KIF1C: variants seen among roughly 807,000 people sequenced by gnomAD.
KIF1C encodes kinesin family member 1C.
KIF1C carries 61 observed loss-of-function variants against 126.5 expected under a neutral mutation model. The observed-to-expected ratio is 0.48, with a 90% CI of 0.39 to 0.60. The LOEUF is 0.60. KIF1C is among the 20% of genes least tolerant of loss of function. The pLI is 0.00. For missense variants in KIF1C, 1,315 were observed against 1,489.2 expected (o/e 0.88, Z 1.93); for synonymous variants, 640 against 580.6 (o/e 1.10, Z -1.47).
intron 13 of KIF1C, among the ~76,000 whole-genome samples, 167 bp from the exon 14 acceptor site, chr17:5,006,748 A>G (rs1215807042): frequency 6.6e-6 from 1 of 152,146 alleles, no homozygotes; most frequent in Non-Finnish European, 1.5e-5. Context: ...CTGGGTGCCC[A>G]TTTACCATGG....
In KIF1C at chr17:5,022,519, G is replaced by A. The variant is rs1975115166; in HGVS notation, c.2438G>A (p.Gly813Asp). 1.9e-6 allele frequency: 3 copies of A among 1,588,696 alleles called. No individual in the cohort carries two copies. Among genetic ancestry groups the A allele is most frequent in the East Asian group, 2.3e-5 (1 of 43,746 alleles). ...VWDTVGEEEG[G>D]GAGSGGGSEE... ...GACACTGTAGGCGAGGAGGAAGGAG[G>A]TGGAGCTGGCAGTGGTGGTGGCAGT... is the stretch of plus-strand genomic sequence containing the variant. The change falls in exon 22 of 23, where the codon GGT becomes GAT. Residue 813 changes from glycine (G) to aspartate (D), a missense_variant. Gly to Asp is a moderately conservative substitution (Grantham distance 94). This residue lies in a region of KIF1C where 441 missense variants were observed against 436.1 expected (regional missense o/e 1.01). Coordinates refer to ENST00000320785, the MANE Select transcript of KIF1C (RefSeq NM_006612.6). The surrounding 1 kb of genome is among the most constrained non-coding windows in gnomAD (Gnocchi z 4.9).
At chr17:5,017,950 A>G (rs745979077) in intron 18 of KIF1C, among the ~76,000 whole-genome samples, 9 of 152,204 alleles carry the variant, frequency 5.9e-5, no homozygotes, top group Admixed American at 2.0e-4. Context: ...CTTTCCCTGC[A>G]TAACACGTAT....
chr17:5,010,859 G>A (rs993755098), intron 16 of KIF1C, among the ~76,000 whole-genome samples: 5 of 150,878 alleles, frequency 3.3e-5, no homozygotes, highest in Admixed American at 3.3e-4. Flanking sequence ...TGCCCAGGCT[G>A]GAGTGCAGTG....
chr17:5,016,597 A>AGTGAGGTTTAAGAC (rs1974977888), intron 18 of KIF1C, among the ~76,000 whole-genome samples: 1 of 151,396 alleles, frequency 6.6e-6, no homozygotes, highest in African/African-American at 2.4e-5. Flanking sequence ...TGCGTCTTAC[A>AGTGAGGTTTAAGAC]GTGAGGTTTA....
In KIF1C at chr17:5,023,446, T is replaced by C. The variant is rs1266960576; in HGVS notation, c.2629-22T>C. 1 of 1,606,134 alleles carries C rather than the reference T, an allele frequency of 6.2e-7. No homozygotes were observed. The highest frequency in any genetic ancestry group is 1.1e-5 in the South Asian group (1 of 90,584). On this transcript the variant is annotated intron_variant, in intron 22 of 22. Coordinates refer to ENST00000320785, the MANE Select transcript of KIF1C (RefSeq NM_006612.6). This position sits in a 1 kb window ranked among gnomAD's most constrained non-coding sequence, Gnocchi z 4.2. ...TCAGCTCTCCTCACATCCCTTCTCC[T>C]TTTCTCACTCCTCCCTCCCAGGATC...
At position 5,023,922 on chromosome 17, in the gene KIF1C, A is replaced by G. The variant is rs1299738298; in HGVS notation, c.3083A>G (p.His1028Arg). ...CCTCCGAGTCCCCGAAGGTCCCACCATCCCCGCAGGAACTCCCTGGATGGA... is the reference window on the plus strand; with the variant it reads ...CCTCCGAGTCCCCGAAGGTCCCACCGTCCCCGCAGGAACTCCCTGGATGGA... ...RRPPSPRRSH[H>R]PRRNSLDGGG... The change falls in exon 23 of 23, where the codon CAT (histidine) becomes CGT (arginine). Residue 1028 changes from histidine to arginine, a missense_variant. Physicochemically the swap from His to Arg is conservative, Grantham distance 29. This residue lies in a region of KIF1C where 441 missense variants were observed against 436.1 expected (regional missense o/e 1.01). Transcript: ENST00000320785. The surrounding 1 kb of genome is among the most constrained non-coding windows in gnomAD (Gnocchi z 4.2). The G allele has an allele frequency of 3.8e-6, 6 of 1,565,954 alleles. No homozygotes were observed. The highest frequency in any genetic ancestry group is 1.9e-5 in the Admixed American group (1 of 53,048).
chr17:5,014,921 TGGG>T, intron 18 of KIF1C, 84 bp downstream of exon 18: 1 of 1,186,916 alleles, frequency 8.4e-7, no homozygotes, highest in Non-Finnish European at 1.2e-6. Flanking sequence ...AGGTCTGGGT[TGGG>T]CACCAGGGAG....
chr17:5,010,349 C>T lies in KIF1C; in HGVS notation c.1491+2807C>T, dbSNP rs917608474. On this transcript the variant is annotated intron_variant, in intron 16 of 22. Transcript: ENST00000320785. ...TGGACATTCAGATTGTTTCCCATTC[C>T]TTGATACTACAAAAAAAGGCTACAA... Among the ~76,000 whole-genome samples the T allele has an allele frequency of 3.3e-5, 5 of 152,072 alleles. No homozygotes were observed. The South Asian group carries it at 8.3e-4, about 25-fold the overall frequency.
rs1232195670 is a variant in KIF1C, at chr17:5,024,217, G to A, written c.*66G>A. 2.7e-5 allele frequency: 32 copies of A among 1,184,426 alleles called. 1 individual carries two copies. Among genetic ancestry groups the A allele is most frequent in the South Asian group, 2.6e-4 (18 of 70,162 alleles). The allele number at this position is 1,184,426 out of a possible 1,614,324, so 73.4% of individuals were successfully genotyped here. ...TAGGAGAAGGGAAGACGCCCGAGAC[G>A]CTGCTTCCCCAGAAGTGCTGGGGCA... On this transcript the variant is annotated 3_prime_UTR_variant, in exon 23 of 23. Coordinates refer to ENST00000320785, the MANE Select transcript of KIF1C (RefSeq NM_006612.6).
In KIF1C at chr17:5,003,665, A is replaced by G. The variant is rs999612430; in HGVS notation, c.774A>G (p.Ser258=). The change falls in exon 9 of 23, where the codon TCA becomes TCG. Residue 258 remains serine, a synonymous_variant. Transcript: ENST00000320785. ...CTGGGAGTGAGCGAGCCGACTCCTC[A>G]GGGGCCCGGGGCATGCGCCTGAAGG... is the stretch of plus-strand genomic sequence containing the variant. ...DLAGSERADS[S]GARGMRLKEG... 2.2e-5 allele frequency: 36 copies of G among 1,613,492 alleles called. No individual in the cohort carries two copies. Among genetic ancestry groups the G allele is most frequent in the Non-Finnish European group, 3.1e-5 (36 of 1,179,866 alleles).
At chr17:5,006,147 C>T (rs953878869) in intron 13 of KIF1C, among the ~76,000 whole-genome samples, 175 of 146,978 alleles carry the variant, frequency 1.2e-3, no homozygotes, top group Middle Eastern at 3.9e-3. Context: ...GTGGAGGTTG[C>T]GGTGAGCCAA....
intron 1 of KIF1C, among the ~76,000 whole-genome samples, chr17:4,998,430 G>T (rs867294511): frequency 2.6e-5 from 4 of 152,260 alleles, no homozygotes; most frequent in African/African-American, 9.6e-5. Flanking sequence ...ACCCCCTTTC[G>T]GGCCGGTCGG....
rs1417551076 is a variant in KIF1C at position 5,025,479 on chromosome 17, T to C, written c.*1328T>C. The C allele has an allele frequency of 1.3e-5, 2 of 152,262 alleles. No individual in the cohort carries two copies. The highest frequency in any genetic ancestry group is 2.9e-5 in the Non-Finnish European group (2 of 68,070). 9.4% of individuals were successfully genotyped at this position (152,262 alleles called of 1,614,324 possible). On this transcript the variant is annotated 3_prime_UTR_variant, in exon 23 of 23. Transcript: ENST00000320785. ...CATCCTGGTTGTGTTACCTGCCTTC[T>C]GGCAGGCTACATCATTGTTCCCAGT...
At position 4,999,873 on chromosome 17, in the gene KIF1C, G is replaced by T; in HGVS notation, c.-125G>T. The T allele has an allele frequency of 4.5e-6, 1 of 221,390 alleles. No individual in the cohort carries two copies. The highest frequency in any genetic ancestry group is 7.8e-5 in the South Asian group (1 of 12,744). The allele number at this position is 221,390 out of a possible 1,614,324, so 13.7% of individuals were successfully genotyped here. On this transcript the variant is annotated 5_prime_UTR_variant, in exon 2 of 23. Coordinates refer to ENST00000320785, the MANE Select transcript of KIF1C (RefSeq NM_006612.6). Reference sequence around the variant, plus strand: ...AGGGTATCTCCCAGAGCCCCAGCTGGTGTGGCCAGGCCCCAGGAGTAGGAT... The same window carrying T: ...AGGGTATCTCCCAGAGCCCCAGCTGTTGTGGCCAGGCCCCAGGAGTAGGAT...
intron 3 of KIF1C, 48 bp downstream of exon 3, chr17:5,000,400 G>T (rs1387402228): frequency 4.6e-6 from 6 of 1,302,722 alleles, no homozygotes; most frequent in Non-Finnish European, 6.5e-6. Context: ...GGAAGGCCGG[G>T]CCCACCACAC....
intron 2 of KIF1C, 40 bp downstream of exon 2, chr17:5,000,010 T>G: frequency 1.9e-6 from 1 of 524,028 alleles, no homozygotes; most frequent in Non-Finnish European, 3.4e-6. Context: ...CAAGCTGGAA[T>G]ATGGCTGGGG....
In KIF1C at chr17:5,006,821, G is replaced by A. The variant is rs1001332709; in HGVS notation, c.1166-94G>A. 5 of 1,308,064 alleles carry A rather than the reference G, an allele frequency of 3.8e-6. No individual in the cohort carries two copies. In the African/African-American group the frequency reaches 7.4e-5, roughly 19 times the overall value. The allele number at this position is 1,308,064 out of a possible 1,614,324, so 81.0% of individuals were successfully genotyped here. A position where few individuals can be genotyped will look rare whatever the true frequency, so the allele number is the denominator to read the frequency against. ...CCAGCAGTCTTCTGTAGTCCTTACA[G>A]ACTGGTCCTCTGTGAAGCTCTTGGT... is the stretch of plus-strand genomic sequence containing the variant. On this transcript the variant is annotated intron_variant, in intron 13 of 22. Coordinates refer to ENST00000320785, the MANE Select transcript of KIF1C (RefSeq NM_006612.6).
At chr17:5,016,438 A>C (rs1974974602) in intron 18 of KIF1C, among the ~76,000 whole-genome samples, 1 of 151,656 alleles carries the variant, frequency 6.6e-6, no homozygotes, top group Admixed American at 6.6e-5. Context: ...TTTTTAGTAG[A>C]GACAGGGTTT....
rs572156268 is a variant in KIF1C, at chr17:5,001,349, C to T, written c.311C>T (p.Ser104Phe). The T allele has an allele frequency of 6.2e-7, 1 of 1,614,094 alleles. No individual in the cohort carries two copies. Among genetic ancestry groups the T allele is most frequent in the Non-Finnish European group, 8.5e-7 (1 of 1,179,968 alleles). Residue 104 changes from serine to phenylalanine, a missense_variant, in exon 5 of 23, where the codon TCC (serine) becomes TTC (phenylalanine). Transcript: ENST00000320785. ...FAYGQTGAGK[S>F]YTMMGRQEPG... ...TATGGGCAGACCGGGGCTGGGAAAT[C>T]CTATACCATGATGGGGCGACAGGAG...
Sources: gnomAD v4.1 joint callset for allele counts (sites outside exome capture counted in the v4.1 genomes callset) on GRCh38, gnomAD v4.1.1 for gene constraint, gnomAD v4.1.1 regional missense constraint, Gnocchi (gnomAD v3.1) non-coding constraint, MANE v1.5 for transcripts, NCBI Gene and HGNC (gene_info 2026-07-23, HGNC 2026-07-21) for gene names.